The following TOM1 variants were observed in gnomAD, a reference collection of about 807,000 sequenced individuals.
TOM1 encodes target of myb1 membrane trafficking protein.
A neutral mutation model predicts 61.3 loss-of-function variants in TOM1; 38 were observed. The observed-to-expected ratio is 0.62, with a 90% CI of 0.48 to 0.81. TOM1 has a LOEUF of 0.81. TOM1 is among the 40% of genes least tolerant of loss of function. The probability of loss-of-function intolerance (pLI) is 0.00; values close to 1 mark genes in which losing one functional copy is unlikely to be tolerated. For missense variants in TOM1, 591 were observed against 659.6 expected, an observed-to-expected ratio of 0.90 and a Z score of 1.14; for synonymous variants, 270 against 268.8, an observed-to-expected ratio of 1.00 and a Z score of -0.04.
At chr22:35,321,880 T>C (rs1927823065) in intron 2 of TOM1, 79 bp from the exon 3 acceptor site, 1 of 1,227,998 alleles carries the variant, frequency 8.1e-7, no homozygotes, top group Admixed American at 1.7e-5. Context: ...CAATAAGAAC[T>C]GTTCCAACTC....
At chr22:35,321,787 G>A in intron 2 of TOM1, 172 bp from the exon 3 acceptor site, 1 of 729,386 alleles carries the variant, frequency 1.4e-6, no homozygotes, top group African/African-American at 1.7e-5. Context: ...GTGAGTCCCT[G>A]CTAAGCAATG....
chr22:35,323,635 GAGA>G lies in TOM1; in HGVS notation c.501+7_501+9del. ...CCCATCCACACACCCCAGAGGGTGA[GAGA>G]ACTGCCGTACCGGGAACCAAGGGAA... On this transcript the variant is annotated splice_donor_region_variant and intron_variant, in intron 5 of 14. Coordinates refer to ENST00000449058, the MANE Select transcript of TOM1 (RefSeq NM_005488.3). The surrounding 1 kb of genome is among the most constrained non-coding windows in gnomAD (Gnocchi z 4.2). 6.2e-7 allele frequency: 1 copy of G among 1,614,162 alleles called. No homozygotes were observed. Among genetic ancestry groups the G allele is most frequent in the Non-Finnish European group, 8.5e-7 (1 of 1,180,030 alleles).
Position 35,347,207 on chromosome 22 carries a change from T to C in TOM1, c.1477T>C (p.Ter493ArgextTer28), listed in dbSNP as rs1306939886. Residue 493 changes from the stop codon to arginine, a stop_lost, in exon 15 of 15, where the codon TGA (stop) becomes CGA (arginine). Coordinates refer to ENST00000449058, the MANE Select transcript of TOM1 (RefSeq NM_005488.3). ...AGATGATGACATGCTGTTTGCCTTATGAGTGTGGGGTCTGGCACCCTGCAG... is the reference window on the plus strand; with the variant it reads ...AGATGATGACATGCTGTTTGCCTTACGAGTGTGGGGTCTGGCACCCTGCAG... ...EKDDDMLFAL[*>R] The C allele has an allele frequency of 3.7e-6, 6 of 1,606,542 alleles. No individual in the cohort carries two copies. The highest frequency in any genetic ancestry group is 5.1e-6 in the Non-Finnish European group (6 of 1,175,872).
intron 3 of TOM1, 53 bp from the exon 4 acceptor site, chr22:35,322,966 GGGGTTCTGA>G: frequency 6.3e-7 from 1 of 1,585,320 alleles, no homozygotes; most frequent in Non-Finnish European, 8.6e-7. Flanking sequence ...CACGAGGGTG[GGGGTTCTGA>G]GCACCTCCTC....
Position 35,299,894 on chromosome 22 carries a change from G to T in TOM1, c.-35G>T. ...GTGGCGCTGGCGGTTGCTGTCAGCT[G>T]ATTCCCGGGGTTGGTGGCAGCGGCG... On this transcript the variant is annotated 5_prime_UTR_variant, in exon 1 of 15. Coordinates refer to ENST00000449058, the MANE Select transcript of TOM1 (RefSeq NM_005488.3). 6.4e-7 allele frequency: 1 copy of T among 1,569,278 alleles called. No individual in the cohort carries two copies. Among genetic ancestry groups the T allele is most frequent in the African/African-American group, 1.3e-5 (1 of 74,098 alleles).
intron 1 of TOM1, among the ~76,000 whole-genome samples, chr22:35,313,935 C>G (rs562349672): frequency 1.3e-5 from 2 of 152,212 alleles, no homozygotes; most frequent in Non-Finnish European, 2.9e-5. Flanking sequence ...GCTCCGAGGT[C>G]GGGGAATCAG....
chr22:35,303,536 A>G (rs1398606473), intron 1 of TOM1, among the ~76,000 whole-genome samples: 1 of 145,582 alleles, frequency 6.9e-6, no homozygotes, highest in Non-Finnish European at 1.5e-5. Context: ...ACAGAGTCTC[A>G]AAAAAGGCTG....
At chr22:35,335,335 A>G (rs1426391707) in intron 11 of TOM1, among the ~76,000 whole-genome samples, 1 of 152,168 alleles carries the variant, frequency 6.6e-6, no homozygotes, top group Non-Finnish European at 1.5e-5. Context: ...GAGCCCAGGG[A>G]TAACCTCTCC....
chr22:35,300,685 C>T (rs1405135507), intron 1 of TOM1, among the ~76,000 whole-genome samples: 1 of 152,220 alleles, frequency 6.6e-6, no homozygotes, highest in African/African-American at 2.4e-5. Flanking sequence ...AAGCCCAGGG[C>T]ACCTGGCGCC....
At chr22:35,302,438 C>T (rs1429054947) in intron 1 of TOM1, among the ~76,000 whole-genome samples, 2 of 108,934 alleles carry the variant, frequency 1.8e-5, no homozygotes, top group South Asian at 3.0e-4. Flanking sequence ...CGGGTTCAAG[C>T]GATTCTCCTG....
rs1047206809 is a variant in TOM1 at position 35,323,742 on chromosome 22, C to T, written c.502-26C>T. 5 of 1,600,244 alleles carry T rather than the reference C, an allele frequency of 3.1e-6. No individual in the cohort carries two copies. Among genetic ancestry groups the T allele is most frequent in the Admixed American group, 3.4e-5 (2 of 59,312 alleles). ...GGCTCTTGATGTTCCCAGGAGCCCTCACTGATCCTGTTTTCCTCCCACTAG... is the reference window on the plus strand; with the variant it reads ...GGCTCTTGATGTTCCCAGGAGCCCTTACTGATCCTGTTTTCCTCCCACTAG... On this transcript the variant is annotated intron_variant, in intron 5 of 14. Transcript: ENST00000449058. This position sits in a 1 kb window ranked among gnomAD's most constrained non-coding sequence, Gnocchi z 4.2.
intron 1 of TOM1, among the ~76,000 whole-genome samples, chr22:35,305,625 A>C (rs1461949908): frequency 2.0e-5 from 3 of 150,558 alleles, no homozygotes; most frequent in Non-Finnish European, 2.9e-5. Flanking sequence ...ACGCCGCTGC[A>C]CTCTAGCCTG....
chr22:35,334,165 C>T (rs1247677448), intron 10 of TOM1, among the ~76,000 whole-genome samples, 163 bp from the exon 11 acceptor site: 1 of 152,192 alleles, frequency 6.6e-6, no homozygotes, highest in East Asian at 1.9e-4. Flanking sequence ...GCCGCTTGCC[C>T]AAGGCCCCAC....
At chr22:35,321,850 G>C (rs775127963) in intron 2 of TOM1, 109 bp from the exon 3 acceptor site, 1 of 912,210 alleles carries the variant, frequency 1.1e-6, no homozygotes, top group Non-Finnish European at 1.9e-6. Flanking sequence ...CAAAACAGGT[G>C]GGGCACAGGG....
At chr22:35,306,274 G>T (rs1275086582) in intron 1 of TOM1, among the ~76,000 whole-genome samples, 1 of 152,218 alleles carries the variant, frequency 6.6e-6, no homozygotes, top group African/African-American at 2.4e-5. Context: ...GCCAGAGGCA[G>T]AATGATGGAG....
At chr22:35,314,754 C>T (rs778522375) in intron 1 of TOM1, among the ~76,000 whole-genome samples, 17 of 152,232 alleles carry the variant, frequency 1.1e-4, no homozygotes, top group South Asian at 1.0e-3. Flanking sequence ...CAGTGTTCCC[C>T]GCCCCTGCTG....
intron 6 of TOM1, among the ~76,000 whole-genome samples, chr22:35,325,910 T>A (rs925231862): frequency 1.3e-5 from 2 of 152,208 alleles, no homozygotes; most frequent in Admixed American, 1.3e-4. Flanking sequence ...CCCATCTGAT[T>A]TGGATACATG....
chr22:35,332,487 A>T (rs1479234273), intron 8 of TOM1, among the ~76,000 whole-genome samples: 1 of 152,146 alleles, frequency 6.6e-6, no homozygotes, highest in African/African-American at 2.4e-5. Context: ...CAGACCCCAC[A>T]CTAAAGTCTT....
chr22:35,347,250 C>A lies in TOM1; in HGVS notation c.*41C>A. ...CCCTGCAGCCCAGGTCCCCACTGCT[C>A]TCACACCCTTAGGCTGGGACCTCCC... On this transcript the variant is annotated 3_prime_UTR_variant, in exon 15 of 15. Coordinates refer to ENST00000449058, the MANE Select transcript of TOM1 (RefSeq NM_005488.3). The A allele has an allele frequency of 6.4e-7, 1 of 1,552,664 alleles. No homozygotes were observed. Among genetic ancestry groups the A allele is most frequent in the South Asian group, 1.2e-5 (1 of 83,614 alleles).
Sources: gnomAD v4.1 joint callset for allele counts (sites outside exome capture counted in the v4.1 genomes callset) on GRCh38, gnomAD v4.1.1 for gene constraint, Gnocchi (gnomAD v3.1) non-coding constraint, MANE v1.5 for transcripts, NCBI Gene and HGNC (gene_info 2026-07-23, HGNC 2026-07-21) for gene names.